Variants in SIM2 observed in about 807,000 individuals in gnomAD.
SIM2 encodes the protein SIM bHLH transcription factor 2.
Under a neutral mutation model 64.8 loss-of-function variants are expected in SIM2, and 28 were observed. The ratio of observed to expected loss-of-function variants is 0.43; its 90% confidence interval spans 0.32 to 0.59. The LOEUF (loss-of-function observed/expected upper bound fraction) is 0.59. Ranked by LOEUF, SIM2 falls within the 20% of genes least tolerant of loss-of-function variation. The pLI is 0.07. For synonymous variants in SIM2, 408 were observed against 391.1 expected, an observed-to-expected ratio of 1.04 and a Z score of -0.51; for missense variants, 847 against 871.4, an observed-to-expected ratio of 0.97 and a Z score of 0.35.
intron 7 of SIM2, among the ~76,000 whole-genome samples, chr21:36,731,861 T>C (rs1188775329): frequency 6.6e-6 from 1 of 152,198 alleles, no homozygotes; most frequent in East Asian, 1.9e-4. Context: ...AGTGACACTT[T>C]TCTTTTACTT....
At position 36,745,121 on chromosome 21, in the gene SIM2, G is replaced by A. The variant is rs767876751; in HGVS notation, c.1561G>A (p.Val521Met). Residue 521 changes from valine (V) to methionine (M), a missense_variant, in exon 10 of 11, where the codon GTG becomes ATG. By Grantham distance (21) the Val-to-Met change is conservative (BLOSUM62 1). Coordinates refer to ENST00000290399, the MANE Select transcript of SIM2 (RefSeq NM_005069.6). The surrounding 1 kb of genome is among the most constrained non-coding windows in gnomAD (Gnocchi z 4.8). ...PPANTARHSL[V>M]PSYEAPAAAV... ...GGCGAACACTGCTAGGCACAGCCTG[G>A]TGCCAAGCTACGAAGGTGGGTCAGG... is the stretch of plus-strand genomic sequence containing the variant. 3.1e-6 allele frequency: 5 copies of A among 1,611,288 alleles called. No individual in the cohort carries two copies. Among genetic ancestry groups the A allele is most frequent in the Non-Finnish European group, 4.2e-6 (5 of 1,178,388 alleles).
At chr21:36,705,343 A>G (rs1466581167) in intron 1 of SIM2, among the ~76,000 whole-genome samples, 1 of 152,222 alleles carries the variant, frequency 6.6e-6, no homozygotes, top group Non-Finnish European at 1.5e-5. Flanking sequence ...TCCGAAAGTG[A>G]GACCTTGAGT....
At chr21:36,737,073 T>C (rs2089071692) in intron 7 of SIM2, among the ~76,000 whole-genome samples, 1 of 152,070 alleles carries the variant, frequency 6.6e-6, no homozygotes, top group South Asian at 2.1e-4. Context: ...ACTACAGGCA[T>C]GTACCACCAT....
intron 1 of SIM2, chr21:36,701,235 C>CG: frequency 6.6e-6 from 1 of 152,326 alleles, no homozygotes; most frequent in Admixed American, 6.5e-5. Flanking sequence ...GCCGGACGGT[C>CG]GGGGCAGAGC....
rs372486390 is a variant in SIM2, at chr21:36,719,883, C to A, written c.411C>A (p.Thr137=). Residue 137 remains threonine (T), a synonymous_variant, in exon 4 of 11, where the codon ACC becomes ACA. Coordinates refer to ENST00000290399, the MANE Select transcript of SIM2 (RefSeq NM_005069.6). ...YIHPSDHDEM[T]AVLTAHQPLH... ...ATCCTTCTGACCACGATGAGATGAC[C>A]GCTGTCCTCACGGCCCACCAGCCGC... 1 of 1,613,412 alleles carries A rather than the reference C, an allele frequency of 6.2e-7. No individual in the cohort carries two copies. The highest frequency in any genetic ancestry group is 8.5e-7 in the Non-Finnish European group (1 of 1,179,562).
intron 7 of SIM2, among the ~76,000 whole-genome samples, chr21:36,740,080 G>T (rs1220284443): frequency 6.7e-6 from 1 of 149,820 alleles, no homozygotes; most frequent in Non-Finnish European, 1.5e-5. Context: ...ACTCACCATA[G>T]ATTAGCCGGT....
At chr21:36,720,837 A>G (rs1163967798) in intron 4 of SIM2, among the ~76,000 whole-genome samples, 1 of 152,122 alleles carries the variant, frequency 6.6e-6, no homozygotes, top group Non-Finnish European at 1.5e-5. Flanking sequence ...CCCTCCAACC[A>G]TCCAGTGAGG....
intron 1 of SIM2, among the ~76,000 whole-genome samples, chr21:36,708,932 C>G (rs988094977): frequency 6.6e-6 from 1 of 152,184 alleles, no homozygotes; most frequent in Non-Finnish European, 1.5e-5. Flanking sequence ...CTCGCACAGG[C>G]GCCCGGGCTG....
intron 1 of SIM2, among the ~76,000 whole-genome samples, chr21:36,702,448 T>C (rs1240975423): frequency 1.3e-5 from 2 of 152,222 alleles, no homozygotes; most frequent in African/African-American, 4.8e-5. Flanking sequence ...CTGGAGCCGG[T>C]GGACTCATAT....
chr21:36,704,587 G>T (rs1204943610), intron 1 of SIM2, among the ~76,000 whole-genome samples: 1 of 152,342 alleles, frequency 6.6e-6, no homozygotes, highest in Non-Finnish European at 1.5e-5. Context: ...TAGAGGAGGG[G>T]ACCTGGATCC....
At chr21:36,704,102 C>A (rs913955308) in intron 1 of SIM2, among the ~76,000 whole-genome samples, 1 of 152,232 alleles carries the variant, frequency 6.6e-6, no homozygotes, top group South Asian at 2.1e-4. Context: ...TTTGCCCACA[C>A]GAAACGAGGT....
Position 36,747,839 on chromosome 21 carries a change from C to A in SIM2, c.1751C>A (p.Pro584Gln). The part of the protein sequence containing the change: ...ARAAPECCAP[P>Q]TPEAPGAPAQ... ...GCGGCACCCGAGTGCTGCGCGCCCC[C>A]GACCCCCGAGGCCCCGGGCGCGCCG... Residue 584 changes from proline (P) to glutamine (Q), a missense_variant, in exon 11 of 11, where the codon CCG becomes CAG. By Grantham distance (76) the Pro-to-Gln change is moderately conservative. Transcript: ENST00000290399. The surrounding 1 kb of genome is among the most constrained non-coding windows in gnomAD (Gnocchi z 4.5). 1 of 1,036,974 alleles carries A rather than the reference C, an allele frequency of 9.6e-7. No individual in the cohort carries two copies. The highest frequency in any genetic ancestry group is 3.2e-5 in the South Asian group (1 of 31,202). The allele number at this position is 1,036,974 out of a possible 1,614,324, so 64.2% of individuals were successfully genotyped here. A position where few individuals can be genotyped will look rare whatever the true frequency, so the allele number is the denominator to read the frequency against.
At position 36,726,910 on chromosome 21, in the gene SIM2, G is replaced by A. The variant is rs143484369; in HGVS notation, c.743+592G>A. 2.6e-3 allele frequency among the ~76,000 whole-genome samples: 398 copies of A among 152,326 alleles called. 2 individuals are homozygous for A. Among genetic ancestry groups the A allele is most frequent in the African/African-American group, 9.3e-3 (387 of 41,566 alleles). Reference sequence around the variant, plus strand: ...TGAGGTCATTTCTCCTGGCCTTGGGGAGTACCTCTCTCCAGACCCGTGCTG... The same window carrying A: ...TGAGGTCATTTCTCCTGGCCTTGGGAAGTACCTCTCTCCAGACCCGTGCTG... On this transcript the variant is annotated intron_variant, in intron 6 of 10. Transcript: ENST00000290399. The surrounding 1 kb of genome is among the most constrained non-coding windows in gnomAD (Gnocchi z 4.5).
intron 9 of SIM2, 115 bp from the exon 10 acceptor site, chr21:36,744,613 G>A (rs2089205245): frequency 7.6e-7 from 1 of 1,307,446 alleles, no homozygotes; most frequent in African/African-American, 1.5e-5. Flanking sequence ...TGGTGGCGAG[G>A]GTAGGGGCAG....
chr21:36,744,274 G>T lies in SIM2; in HGVS notation c.1168-454G>T, dbSNP rs529377599. On this transcript the variant is annotated intron_variant, in intron 9 of 10. Coordinates refer to ENST00000290399, the MANE Select transcript of SIM2 (RefSeq NM_005069.6). The stretch of plus-strand genomic sequence containing the variant: ...AACTTTGGTAATGTGGTCATTAGCA[G>T]ATAGACCAGTTGAACGTCACGGCCT... Among the ~76,000 whole-genome samples the T allele has an allele frequency of 2.7e-5, 3 of 111,636 alleles. No individual in the cohort carries two copies. The South Asian group carries it at 9.3e-4, about 35-fold the overall frequency. 73.2% of individuals were successfully genotyped at this position (111,636 alleles called of 152,430 possible).
chr21:36,749,619 A>G lies in SIM2; in HGVS notation c.*1527A>G, dbSNP rs1275769507. ...TAGGAAGGGATGTGCCCGCCTCTCC[A>G]CGCACTCAGCTATACCTCATTCACA... On this transcript the variant is annotated 3_prime_UTR_variant, in exon 11 of 11. Coordinates refer to ENST00000290399, the MANE Select transcript of SIM2 (RefSeq NM_005069.6). 6.6e-6 allele frequency: 1 copy of G among 152,180 alleles called. No homozygotes were observed. The highest frequency in any genetic ancestry group is 1.5e-5 in the Non-Finnish European group (1 of 68,040). The allele number at this position is 152,180 out of a possible 1,614,324, so 9.4% of individuals were successfully genotyped here.
chr21:36,731,820 C>T (rs986548677), intron 7 of SIM2, among the ~76,000 whole-genome samples: 1 of 152,194 alleles, frequency 6.6e-6, no homozygotes. Flanking sequence ...GATATAGAGG[C>T]GGATGCTCTA....
intron 5 of SIM2, among the ~76,000 whole-genome samples, chr21:36,725,224 C>A (rs1180097020): frequency 6.6e-6 from 1 of 152,048 alleles, no homozygotes; most frequent in African/African-American, 2.4e-5. Context: ...GTGGCACATG[C>A]CTGTGGTCCC....
Position 36,742,904 on chromosome 21 carries a change from G to A in SIM2, c.999-483G>A, listed in dbSNP as rs1034717744. On this transcript the variant is annotated intron_variant, in intron 8 of 10. Transcript: ENST00000290399. ...CCTTGTGTGAACATGACCCTGCTGA[G>A]TTGGTTCTTTAGGGCAGAGATGGGC... is the stretch of plus-strand genomic sequence containing the variant. Among the ~76,000 whole-genome samples the A allele has an allele frequency of 4.6e-5, 7 of 152,168 alleles. No homozygotes were observed. In the South Asian group the frequency reaches 8.3e-4, roughly 18 times the overall value.
Sources: gnomAD v4.1 joint callset for allele counts (sites outside exome capture counted in the v4.1 genomes callset) on GRCh38, gnomAD v4.1.1 for gene constraint, Gnocchi (gnomAD v3.1) non-coding constraint, MANE v1.5 for transcripts, NCBI Gene and HGNC (gene_info 2026-07-23, HGNC 2026-07-21) for gene names.